PRRC1: variants seen among roughly 807,000 people sequenced by gnomAD.
PRRC1 encodes protein PRRC1.
PRRC1 carries 39 observed loss-of-function variants against 40.7 expected under a neutral mutation model. The observed-to-expected ratio is 0.96, with a 90% confidence interval of 0.74 to 1.25. The LOEUF is 1.25. Among genes scored for constraint, PRRC1 ranks in the 50% most tolerant of loss-of-function variants. The pLI, the probability that PRRC1 is intolerant of heterozygous loss-of-function variation, is 0.00. For missense variants in PRRC1, 573 were observed against 548.3 expected (o/e 1.05, Z -0.45); for synonymous variants, 175 against 193.3 (o/e 0.91, Z 0.79).
In PRRC1 at chr5:127,553,372, G is replaced by T. The variant is rs563455077; in HGVS notation, c.*1456G>T. On this transcript the variant is annotated 3_prime_UTR_variant, in exon 9 of 9. Coordinates refer to ENST00000296666, the MANE Select transcript of PRRC1 (RefSeq NM_130809.5). The stretch of plus-strand genomic sequence containing the variant: ...ACTTTCCAAGCACTGTATAATGACT[G>T]TTCAGTGAATATCAGACTTCCGTGT... 2.0e-6 allele frequency: 2 copies of T among 1,015,312 alleles called. No individual in the cohort carries two copies. Among genetic ancestry groups the T allele is most frequent in the African/African-American group, 1.7e-5 (1 of 57,518 alleles). 62.9% of individuals were successfully genotyped at this position (1,015,312 alleles called of 1,614,324 possible).
intron 7 of PRRC1, among the ~76,000 whole-genome samples, chr5:127,543,441 TCTC>T (rs1386697557): frequency 6.6e-6 from 1 of 152,130 alleles, no homozygotes; most frequent in East Asian, 1.9e-4. Context: ...TTGGGGAAGT[TCTC>T]CTGGATAATA....
At chr5:127,544,378 G>A (rs1191142062) in intron 7 of PRRC1, among the ~76,000 whole-genome samples, 1 of 152,212 alleles carries the variant, frequency 6.6e-6, no homozygotes, top group Non-Finnish European at 1.5e-5. Flanking sequence ...ATCTCCAGCT[G>A]CGTGCTGGGA....
chr5:127,519,339 A>G (rs1767398540), intron 1 of PRRC1, among the ~76,000 whole-genome samples: 1 of 152,154 alleles, frequency 6.6e-6, no homozygotes, highest in Non-Finnish European at 1.5e-5. Context: ...AGTGCCATAG[A>G]TCTTTCCTAC....
intron 3 of PRRC1, among the ~76,000 whole-genome samples, 162 bp from the exon 4 acceptor site, chr5:127,526,456 C>T (rs916618796): frequency 6.6e-6 from 1 of 152,062 alleles, no homozygotes; most frequent in Non-Finnish European, 1.5e-5. Context: ...TTTTGAAATT[C>T]TGTTTAATTT....
chr5:127,529,133 T>C (rs1767699716), intron 4 of PRRC1, among the ~76,000 whole-genome samples: 1 of 152,074 alleles, frequency 6.6e-6, no homozygotes, highest in South Asian at 2.1e-4. Flanking sequence ...TACTCATCTT[T>C]CCCAATTTTT....
At chr5:127,547,324 T>G (rs1042299775) in intron 7 of PRRC1, among the ~76,000 whole-genome samples, 2 of 152,110 alleles carry the variant, frequency 1.3e-5, no homozygotes, top group Admixed American at 1.3e-4. Flanking sequence ...AAATTGTGAT[T>G]AGAAGGATTT....
Position 127,523,525 on chromosome 5 carries a change from C to T in PRRC1, c.46C>T (p.Pro16Ser), listed in dbSNP as rs967971253. ...AGAGACAACACCACCTGGGACTCCT[C>T]CACCAAATCCTGCAGGGCTGGCTGC... ...GIETTPPGTP[P>S]PNPAGLAATA... The change falls in exon 2 of 9, where the codon CCA becomes TCA. Residue 16 changes from proline (P) to serine (S), a missense_variant. Coordinates refer to ENST00000296666, the MANE Select transcript of PRRC1 (RefSeq NM_130809.5). The T allele has an allele frequency of 1.2e-6, 2 of 1,613,076 alleles. No individual in the cohort carries two copies. The highest frequency in any genetic ancestry group is 1.7e-6 in the Non-Finnish European group (2 of 1,179,764).
Position 127,551,855 on chromosome 5 carries a change from A to G in PRRC1, c.1277A>G (p.Tyr426Cys), listed in dbSNP as rs558833109. 39 of 1,614,106 alleles carry G rather than the reference A, an allele frequency of 2.4e-5. No homozygotes were observed. The African/African-American group carries it at 4.8e-4, about 20-fold the overall frequency. ...FTGMSRRQMI[Y>C]SAARAIAGMY... ...GGGATGTCCCGTCGGCAGATGATCTACAGTGCAGCCAGAGCGATAGCGGGC... is the reference window on the plus strand; with the variant it reads ...GGGATGTCCCGTCGGCAGATGATCTGCAGTGCAGCCAGAGCGATAGCGGGC... Residue 426 changes from tyrosine to cysteine, a missense_variant, in exon 9 of 9, where the codon TAC (tyrosine) becomes TGC (cysteine). Coordinates refer to ENST00000296666, the MANE Select transcript of PRRC1 (RefSeq NM_130809.5).
intron 3 of PRRC1, 26 bp from the exon 4 acceptor site, chr5:127,526,592 A>C: frequency 6.3e-7 from 1 of 1,580,318 alleles, no homozygotes; most frequent in African/African-American, 1.4e-5. Context: ...TAAATTATAC[A>C]TATGAAAATT....
intron 8 of PRRC1, 35 bp downstream of exon 8, chr5:127,547,956 A>T: frequency 7.8e-7 from 1 of 1,289,248 alleles, no homozygotes; most frequent in Non-Finnish European, 1.1e-6. Context: ...ATTATGCTCC[A>T]GAGAAACTTA....
intron 4 of PRRC1, among the ~76,000 whole-genome samples, chr5:127,527,360 T>C (rs536903481): frequency 1.1e-4 from 17 of 152,284 alleles, no homozygotes; most frequent in Non-Finnish European, 1.6e-4. Flanking sequence ...TTTTGAAATA[T>C]AAAACCTTAT....
chr5:127,536,993 G>A (rs933926703), intron 6 of PRRC1, among the ~76,000 whole-genome samples: 1 of 151,606 alleles, frequency 6.6e-6, no homozygotes, highest in Non-Finnish European at 1.5e-5. Context: ...TGGGTTTTCT[G>A]AACTAAACTT....
intron 1 of PRRC1, among the ~76,000 whole-genome samples, chr5:127,520,894 A>T (rs774438722): frequency 1.3e-5 from 2 of 152,180 alleles, no homozygotes; most frequent in Admixed American, 1.3e-4. Flanking sequence ...GTTATGTAAG[A>T]TGCTGTTACT....
chr5:127,527,528 G>T (rs1767651086), intron 4 of PRRC1, among the ~76,000 whole-genome samples: 1 of 151,868 alleles, frequency 6.6e-6, no homozygotes. Context: ...CCAGGCAGGG[G>T]GATTGCTTGA....
intron 1 of PRRC1, among the ~76,000 whole-genome samples, chr5:127,520,388 T>G (rs1300772086): frequency 6.6e-6 from 1 of 152,206 alleles, no homozygotes; most frequent in Non-Finnish European, 1.5e-5. Context: ...TGTTCAGATC[T>G]TTTCAAAAAA....
chr5:127,527,190 T>C (rs1767641445), intron 4 of PRRC1, among the ~76,000 whole-genome samples: 1 of 152,214 alleles, frequency 6.6e-6, no homozygotes, highest in South Asian at 2.1e-4. Context: ...TTTTTTAAAT[T>C]AGTTAATTTA....
intron 7 of PRRC1, among the ~76,000 whole-genome samples, chr5:127,541,995 T>C (rs994375922): frequency 5.3e-5 from 8 of 152,232 alleles, no homozygotes; most frequent in African/African-American, 1.9e-4. Flanking sequence ...TCTTTCCTAC[T>C]TTCTCTTGTG....
At chr5:127,524,480 AAT>A in intron 2 of PRRC1, 49 bp from the exon 3 acceptor site, 1 of 1,518,238 alleles carries the variant, frequency 6.6e-7, no homozygotes, top group Non-Finnish European at 8.8e-7. Flanking sequence ...TTGAAAACTA[AAT>A]AAAAAACATT....
intron 7 of PRRC1, among the ~76,000 whole-genome samples, chr5:127,544,629 T>C (rs1227363150): frequency 2.6e-5 from 4 of 152,214 alleles, no homozygotes; most frequent in Non-Finnish European, 4.4e-5. Flanking sequence ...CAGTTTGATC[T>C]CAGGCTGCTG....
Sources: allele counts gnomAD v4.1 joint callset (sites outside exome capture counted in the v4.1 genomes callset), GRCh38; gene constraint gnomAD v4.1.1; transcripts MANE v1.5; gene names NCBI Gene and HGNC (gene_info 2026-07-23, HGNC 2026-07-21).